NUBP1: variants seen among roughly 807,000 people sequenced by gnomAD.
The protein encoded by NUBP1 is NUBP iron-sulfur cluster assembly factor 1, cytosolic.
NUBP1 carries 46 observed loss-of-function variants against 41.8 expected under a neutral mutation model. That is an observed-to-expected ratio of 1.10 (90% confidence interval 0.87 to 1.41). The LOEUF (loss-of-function observed/expected upper bound fraction) is 1.41. NUBP1 is among the 40% of genes most tolerant of loss of function. The probability of loss-of-function intolerance (pLI) is 0.00; values close to 1 mark genes in which losing one functional copy is unlikely to be tolerated. For missense variants in NUBP1, 494 were observed against 414.0 expected (o/e 1.19, Z -1.68); for synonymous variants, 189 against 154.6 (o/e 1.22, Z -1.65).
rs777149995 is a variant in NUBP1, at chr16:10,749,120, G to GACACACACACACAGACACACACACAC, written c.258+1849_258+1850insCACACACAGACACACACACACACACA. Among the ~76,000 whole-genome samples the GACACACACACACAGACACACACACAC allele has an allele frequency of 2.2e-5, 2 of 92,342 alleles. No individual in the cohort carries two copies. Among genetic ancestry groups the GACACACACACACAGACACACACACAC allele is most frequent in the Admixed American group, 1.3e-4 (1 of 7,866 alleles). 60.6% of individuals were successfully genotyped at this position (92,342 alleles called of 152,430 possible). A position where few individuals can be genotyped will look rare whatever the true frequency, so the allele number is the denominator to read the frequency against. On this transcript the variant is annotated intron_variant, in intron 3 of 10. Transcript: ENST00000283027. The surrounding 1 kb of genome is among the most constrained non-coding windows in gnomAD (Gnocchi z 4.1). ...AAAAAAGGATATAGATAGATACACA[G>GACACACACACACAGACACACACACAC]ACACATACACACACACACACACACA... is the stretch of plus-strand genomic sequence containing the variant.
At chr16:10,760,933 T>G (rs981795036) in intron 7 of NUBP1, 2 of 181,052 alleles carry the variant, frequency 1.1e-5, no homozygotes, top group African/African-American at 4.7e-5. Context: ...GGAAAGAGGT[T>G]TCATTGATTC....
intron 9 of NUBP1, 161 bp downstream of exon 9, chr16:10,762,020 A>C: frequency 3.4e-6 from 2 of 586,598 alleles, no homozygotes; most frequent in Non-Finnish European, 6.0e-6. Flanking sequence ...CCAAGAGGCC[A>C]CCGGGAGAGA....
intron 7 of NUBP1, 122 bp downstream of exon 7, chr16:10,758,149 C>A: frequency 8.8e-7 from 1 of 1,130,692 alleles, no homozygotes; most frequent in Non-Finnish European, 1.2e-6. Context: ...TCCGCAGCTG[C>A]ATCTGATGTG....
intron 5 of NUBP1, 140 bp downstream of exon 5, chr16:10,755,893 C>A: frequency 2.7e-6 from 2 of 747,066 alleles, no homozygotes; most frequent in Non-Finnish European, 2.3e-6. Flanking sequence ...CAGTGATTGG[C>A]AGGCTTTTTC....
chr16:10,758,155 A>T, intron 7 of NUBP1, 128 bp downstream of exon 7: 1 of 1,070,608 alleles, frequency 9.3e-7, no homozygotes, highest in Non-Finnish European at 1.3e-6. Context: ...GCTGCATCTG[A>T]TGTGGGTCTG....
Position 10,757,766 on chromosome 16 carries a change from C to T in NUBP1, c.452-107C>T, listed in dbSNP as rs114196812. ...TTGCTTGAGCCTCAGAGTTAAGAGCCAACCTGGGCAACATAGCAAGACCCC... is the reference window on the plus strand; with the variant it reads ...TTGCTTGAGCCTCAGAGTTAAGAGCTAACCTGGGCAACATAGCAAGACCCC... On this transcript the variant is annotated intron_variant, in intron 6 of 10. Coordinates refer to ENST00000283027, the MANE Select transcript of NUBP1 (RefSeq NM_002484.4). This position sits in a 1 kb window ranked among gnomAD's most constrained non-coding sequence, Gnocchi z 4.1. 589 of 1,412,204 alleles carry T rather than the reference C, an allele frequency of 4.2e-4. 3 individuals are homozygous for T. In the African/African-American group the frequency reaches 7.9e-3, roughly 19 times the overall value. 87.5% of individuals were successfully genotyped at this position (1,412,204 alleles called of 1,614,324 possible).
Position 10,749,120 on chromosome 16 carries a change from G to GACAC in NUBP1, c.258+1846_258+1849dup, listed in dbSNP as rs777149995. Among the ~76,000 whole-genome samples, 1,970 of 92,332 alleles carry GACAC rather than the reference G, an allele frequency of 0.021. 80 individuals are homozygous for GACAC. The highest frequency in any genetic ancestry group is 0.046 in the African/African-American group (1,195 of 25,790). The allele number at this position is 92,332 out of a possible 152,430, so 60.6% of individuals were successfully genotyped here. ...AAAAAAGGATATAGATAGATACACA[G>GACAC]ACACATACACACACACACACACACA... On this transcript the variant is annotated intron_variant, in intron 3 of 10. Coordinates refer to ENST00000283027, the MANE Select transcript of NUBP1 (RefSeq NM_002484.4). The surrounding 1 kb of genome is among the most constrained non-coding windows in gnomAD (Gnocchi z 4.1).
Position 10,767,344 on chromosome 16 carries a change from G to A in NUBP1, c.821-605G>A, listed in dbSNP as rs760817992. 14 of 399,398 alleles carry A rather than the reference G, an allele frequency of 3.5e-5. No homozygotes were observed. The highest frequency in any genetic ancestry group is 6.2e-5 in the Non-Finnish European group (14 of 226,784). 24.7% of individuals were successfully genotyped at this position (399,398 alleles called of 1,614,324 possible). A position where few individuals can be genotyped will look rare whatever the true frequency, so the allele number is the denominator to read the frequency against. Reference sequence around the variant, plus strand: ...GGACTGGAACAATGGCCACATGGCGGGGAAAGACTAGCAGACTGATAGACA... The same window carrying A: ...GGACTGGAACAATGGCCACATGGCGAGGAAAGACTAGCAGACTGATAGACA... On this transcript the variant is annotated intron_variant, in intron 9 of 10. Coordinates refer to ENST00000283027, the MANE Select transcript of NUBP1 (RefSeq NM_002484.4). This position sits in a 1 kb window ranked among gnomAD's most constrained non-coding sequence, Gnocchi z 4.6.
chr16:10,754,489 C>T (rs1044801599), intron 4 of NUBP1, among the ~76,000 whole-genome samples: 2 of 151,790 alleles, frequency 1.3e-5, no homozygotes, highest in Admixed American at 6.6e-5. Flanking sequence ...GTGATCCTCC[C>T]GCCTCAGCCT....
intron 4 of NUBP1, 72 bp from the exon 5 acceptor site, chr16:10,755,649 T>G: frequency 2.1e-6 from 3 of 1,427,858 alleles, no homozygotes; most frequent in Non-Finnish European, 3.0e-6. Flanking sequence ...CTTTGTACAA[T>G]TTGTCTGTGC....
rs1900238581 is a variant in NUBP1, at chr16:10,749,900, G to A, written c.258+2624G>A. ...CTGCCCAGGGAGTGTGTAAGTTGTG[G>A]TGAAGGCAGAAGGAGCCTCTGTAGC... On this transcript the variant is annotated intron_variant, in intron 3 of 10. Transcript: ENST00000283027. This position sits in a 1 kb window ranked among gnomAD's most constrained non-coding sequence, Gnocchi z 4.1. Among the ~76,000 whole-genome samples, 1 of 152,320 alleles carries A rather than the reference G, an allele frequency of 6.6e-6. No homozygotes were observed. Among genetic ancestry groups the A allele is most frequent in the Non-Finnish European group, 1.5e-5 (1 of 68,030 alleles).
chr16:10,762,036 A>T, intron 9 of NUBP1, 177 bp downstream of exon 9: 1 of 560,608 alleles, frequency 1.8e-6, no homozygotes, highest in Non-Finnish European at 3.2e-6. Context: ...AGAGAGGCCG[A>T]GACCCCTGCG....
At chr16:10,761,499 C>G in intron 8 of NUBP1, 25 bp downstream of exon 8, 1 of 1,579,264 alleles carries the variant, frequency 6.3e-7, no homozygotes, top group Non-Finnish European at 8.7e-7. Flanking sequence ...GGCTGCCAGG[C>G]GAGCAAGATC....
chr16:10,758,162 T>A, intron 7 of NUBP1, 135 bp downstream of exon 7: 1 of 1,013,928 alleles, frequency 9.9e-7, no homozygotes, highest in Non-Finnish European at 1.4e-6. Context: ...CTGATGTGGG[T>A]CTGCAGAAAC....
rs1159284718 is a variant in NUBP1, at chr16:10,744,018, C to T, written c.77C>T (p.Pro26Leu). Residue 26 changes from proline to leucine, a missense_variant, in exon 2 of 11, where the codon CCC (proline) becomes CTC (leucine). Transcript: ENST00000283027. Reference sequence around the variant, plus strand: ...AGAGGGGCTTCATGTCAGGGATGCCCCAACCAGCGGCTGTGCGCTTCTGGA... The same window carrying T: ...AGAGGGGCTTCATGTCAGGGATGCCTCAACCAGCGGCTGTGCGCTTCTGGA... ...AGRGASCQGC[P>L]NQRLCASGAG... is the part of the protein sequence containing the mutation. 6.3e-7 allele frequency: 1 copy of T among 1,580,376 alleles called. No individual in the cohort carries two copies. The highest frequency in any genetic ancestry group is 8.6e-7 in the Non-Finnish European group (1 of 1,169,006).
At chr16:10,753,883 G>A (rs1228848763) in intron 4 of NUBP1, among the ~76,000 whole-genome samples, 7 of 152,158 alleles carry the variant, frequency 4.6e-5, no homozygotes, top group African/African-American at 1.2e-4. Flanking sequence ...TGACCAGAGG[G>A]GCTGGAGGGT....
At chr16:10,761,112 T>G in intron 7 of NUBP1, 3 of 368,464 alleles carry the variant, frequency 8.1e-6, no homozygotes, top group East Asian at 5.9e-5. Context: ...GAGACCAGCA[T>G]GGGGGAAACT....
intron 9 of NUBP1, among the ~76,000 whole-genome samples, chr16:10,763,045 A>G (rs951783381): frequency 2.0e-5 from 3 of 151,958 alleles, no homozygotes. Flanking sequence ...CACAAGAGAG[A>G]AAGTGACGGC....
chr16:10,755,346 G>A (rs1014505536), intron 4 of NUBP1, among the ~76,000 whole-genome samples: 4 of 152,134 alleles, frequency 2.6e-5, no homozygotes, highest in Non-Finnish European at 5.9e-5. Flanking sequence ...CTTCACTCCT[G>A]TGCTTTTACA....
Sources: gnomAD v4.1 joint callset for allele counts (sites outside exome capture counted in the v4.1 genomes callset) on GRCh38, gnomAD v4.1.1 for gene constraint, Gnocchi (gnomAD v3.1) non-coding constraint, MANE v1.5 for transcripts, NCBI Gene and HGNC (gene_info 2026-07-23, HGNC 2026-07-21) for gene names.